TNFRSF19: variants seen among roughly 807,000 people sequenced by gnomAD.
The protein encoded by TNFRSF19 is TNF receptor superfamily member 19.
TNFRSF19 carries 27 observed loss-of-function variants against 46.4 expected under a neutral mutation model. The ratio of observed to expected loss-of-function variants is 0.58; its 90% CI spans 0.43 to 0.80. The LOEUF is 0.80. Ranked by LOEUF, TNFRSF19 falls within the 30% of genes least tolerant of loss-of-function variation. The pLI is 0.00. For missense variants in TNFRSF19, 511 were observed against 530.8 expected (o/e 0.96, Z 0.37); for synonymous variants, 204 against 205.0 (o/e 1.00, Z 0.04).
At chr13:23,604,401 G>A (rs1359971650) in intron 3 of TNFRSF19, among the ~76,000 whole-genome samples, 3 of 152,066 alleles carry the variant, frequency 2.0e-5, no homozygotes, top group African/African-American at 7.2e-5. Context: ...TGGAGAGGAA[G>A]ATTCAATATT....
intron 5 of TNFRSF19, among the ~76,000 whole-genome samples, chr13:23,649,357 CTGTT>C (rs1394714784): frequency 6.6e-6 from 1 of 152,064 alleles, no homozygotes; most frequent in Non-Finnish European, 1.5e-5. Context: ...TGGCATATGA[CTGTT>C]TATAGTATTG....
At chr13:23,631,219 A>G (rs1285045707) in intron 5 of TNFRSF19, among the ~76,000 whole-genome samples, 1 of 152,196 alleles carries the variant, frequency 6.6e-6, no homozygotes, top group Non-Finnish European at 1.5e-5. Flanking sequence ...TAGTAGAAAA[A>G]AGTGAGTGGT....
intron 4 of TNFRSF19, among the ~76,000 whole-genome samples, chr13:23,626,185 A>ATCTGTG (rs1881991578): frequency 1.3e-5 from 1 of 75,906 alleles, no homozygotes; most frequent in African/African-American, 5.7e-5. Context: ...TTTCTTTAAA[A>ATCTGTG]TCTGTGTGTG....
At chr13:23,654,939 AG>A (rs1169403977) in intron 5 of TNFRSF19, among the ~76,000 whole-genome samples, 4 of 152,180 alleles carry the variant, frequency 2.6e-5, no homozygotes. Flanking sequence ...GCTTGCAAAT[AG>A]GTTCCTCATT....
At chr13:23,588,376 A>T (rs1459935594) in intron 1 of TNFRSF19, among the ~76,000 whole-genome samples, 1 of 152,140 alleles carries the variant, frequency 6.6e-6, no homozygotes, top group Non-Finnish European at 1.5e-5. Flanking sequence ...GATGGGTTCT[A>T]TTTTTGTCTC....
In TNFRSF19 at chr13:23,668,936, G is replaced by T. The variant is rs752687895; in HGVS notation, c.1084G>T (p.Val362Phe). 5.6e-6 allele frequency: 9 copies of T among 1,614,124 alleles called. No homozygotes were observed. In the Admixed American group the frequency reaches 1.0e-4, roughly 18 times the overall value. The part of the protein sequence containing the change: ...SQDLVGGAVP[V>F]QSHSENFTAA... The stretch of plus-strand genomic sequence containing the variant: ...AGATTTGGTTGGTGGGGCTGTTCCA[G>T]TCCAGTCTCATTCTGAAAACTTTAC... Residue 362 changes from valine to phenylalanine, a missense_variant, in exon 9 of 10, where the codon GTC becomes TTC. Val to Phe is a conservative substitution (Grantham distance 50). Coordinates refer to ENST00000248484, the MANE Select transcript of TNFRSF19 (RefSeq NM_148957.4).
chr13:23,662,826 T>C (rs374034814), intron 7 of TNFRSF19, among the ~76,000 whole-genome samples: 109 of 152,330 alleles, frequency 7.2e-4, no homozygotes, highest in African/African-American at 2.5e-3. Context: ...TTGGCCGTTG[T>C]TGGTGTAGAA....
chr13:23,656,410 T>C (rs775611218), intron 5 of TNFRSF19, among the ~76,000 whole-genome samples: 1 of 152,168 alleles, frequency 6.6e-6, no homozygotes, highest in Non-Finnish European at 1.5e-5. Flanking sequence ...TCCTTTTATA[T>C]TAAGGAAAAT....
rs764874720 is a variant in TNFRSF19 at position 23,659,600 on chromosome 13, G to A, written c.610+386G>A. 5.3e-5 allele frequency among the ~76,000 whole-genome samples: 8 copies of A among 152,042 alleles called. No individual in the cohort carries two copies. The highest frequency in any genetic ancestry group is 1.2e-4 in the Non-Finnish European group (8 of 68,000). ...CAGCTCATGGCAACCTCTGCCTCCC[G>A]GATTCAAGTGATTCTCCTGCCTCAG... On this transcript the variant is annotated intron_variant, in intron 6 of 9. Transcript: ENST00000248484. This position sits in a 1 kb window ranked among gnomAD's most constrained non-coding sequence, Gnocchi z 4.9.
chr13:23,611,393 G>A (rs960108230), intron 3 of TNFRSF19, among the ~76,000 whole-genome samples: 8 of 152,282 alleles, frequency 5.3e-5, no homozygotes, highest in African/African-American at 1.9e-4. Flanking sequence ...CAGAGGTGAG[G>A]GAGATTCTGG....
In TNFRSF19 at chr13:23,618,839, G is replaced by A. The variant is rs560231060; in HGVS notation, c.359+2794G>A. On this transcript the variant is annotated intron_variant, in intron 4 of 9. Transcript: ENST00000248484. Reference sequence around the variant, plus strand: ...TATTAAGAGGTGGGGCCTTTACGAGGTAATTAGGTCATGATGGGCCCTCCC... The same window carrying A: ...TATTAAGAGGTGGGGCCTTTACGAGATAATTAGGTCATGATGGGCCCTCCC... Among the ~76,000 whole-genome samples the A allele has an allele frequency of 5.2e-4, 79 of 152,300 alleles. 2 individuals are homozygous for A. The South Asian group carries it at 0.015, about 29-fold the overall frequency.
chr13:23,578,827 G>A (rs1195300887), intron 1 of TNFRSF19, among the ~76,000 whole-genome samples: 1 of 152,240 alleles, frequency 6.6e-6, no homozygotes, highest in African/African-American at 2.4e-5. Context: ...CCGCTGCGAG[G>A]GTGCGGCCGT....
Position 23,660,377 on chromosome 13 carries a change from C to T in TNFRSF19, c.623C>T (p.Ser208Leu), listed in dbSNP as rs141048197. 4.3e-5 allele frequency: 70 copies of T among 1,613,568 alleles called. No individual in the cohort carries two copies. The highest frequency in any genetic ancestry group is 3.2e-4 in the Admixed American group (19 of 59,968). Reference sequence around the variant, plus strand: ...ACCCCTCATTTAGGGTCTCTGCGGTCACAGGACATTCAGTACAACGGCTCT... The same window carrying T: ...ACCCCTCATTTAGGGTCTCTGCGGTTACAGGACATTCAGTACAACGGCTCT... Reference protein sequence around the residue: ...MEKKPSWSLRSQDIQYNGSEL... With the variant: ...MEKKPSWSLRLQDIQYNGSEL... The change falls in exon 7 of 10, where the codon TCA becomes TTA. Residue 208 changes from serine (S) to leucine (L), a missense_variant. Physicochemically the swap from Ser to Leu is moderately radical, Grantham distance 145. Around this residue, in one of 3 missense-constraint regions of TNFRSF19, gnomAD observed 376 missense variants for 372.7 expected, o/e 1.01. Transcript: ENST00000248484.
At chr13:23,591,000 C>T (rs1015776205) in intron 2 of TNFRSF19, among the ~76,000 whole-genome samples, 2 of 152,062 alleles carry the variant, frequency 1.3e-5, no homozygotes, top group Non-Finnish European at 2.9e-5. Context: ...TTCCAAAAAG[C>T]AGGAAACACA....
chr13:23,615,785 G>A, intron 3 of TNFRSF19, 82 bp from the exon 4 acceptor site: 1 of 1,393,360 alleles, frequency 7.2e-7, no homozygotes. Context: ...TATTAGACCA[G>A]GTCTTCGTTT....
At chr13:23,583,473 G>A (rs199873921) in intron 1 of TNFRSF19, among the ~76,000 whole-genome samples, 1 of 152,022 alleles carries the variant, frequency 6.6e-6, no homozygotes, top group African/African-American at 2.4e-5. Context: ...AACAGTATTG[G>A]GTTATCTTCT....
intron 5 of TNFRSF19, among the ~76,000 whole-genome samples, chr13:23,656,645 C>T (rs1884001202): frequency 6.6e-6 from 1 of 152,128 alleles, no homozygotes; most frequent in Admixed American, 6.5e-5. Flanking sequence ...GCCAAAACCC[C>T]ATATTGTGTA....
intron 9 of TNFRSF19, among the ~76,000 whole-genome samples, chr13:23,669,970 G>A (rs1040461362): frequency 4.6e-5 from 7 of 152,150 alleles, no homozygotes; most frequent in Non-Finnish European, 7.3e-5. Context: ...CCACAAAGAG[G>A]TTGCTGCTCT....
intron 1 of TNFRSF19, among the ~76,000 whole-genome samples, chr13:23,571,898 A>G (rs1241817001): frequency 6.6e-6 from 1 of 151,850 alleles, no homozygotes; most frequent in Non-Finnish European, 1.5e-5. Context: ...TTCTAGTCCT[A>G]AATTTATCTG....
Sources: allele counts gnomAD v4.1 joint callset (sites outside exome capture counted in the v4.1 genomes callset), GRCh38; gene constraint gnomAD v4.1.1; regional missense constraint gnomAD v4.1.1; non-coding constraint Gnocchi (gnomAD v3.1); transcripts MANE v1.5; gene names NCBI Gene and HGNC (gene_info 2026-07-23, HGNC 2026-07-21).